Variants in C1orf174 observed in about 807,000 individuals in gnomAD.
The protein encoded by C1orf174 is chromosome 1 open reading frame 174.
A neutral mutation model predicts 18.4 loss-of-function variants in C1orf174; 13 were observed. The ratio of observed to expected loss-of-function variants is 0.71; its 90% CI spans 0.46 to 1.12. C1orf174 has a LOEUF of 1.12. Ranked by LOEUF, C1orf174 falls within the 50% of genes most tolerant of loss-of-function variation. The pLI is 0.00. For synonymous variants in C1orf174, 100 were observed against 118.3 expected (o/e 0.85, Z 1.01); for missense variants, 309 against 308.0 (o/e 1.00, Z -0.02).
intron 1 of C1orf174, 118 bp from the exon 2 acceptor site, chr1:3,893,114 T>C (rs1382892908): frequency 2.6e-5 from 29 of 1,117,456 alleles, no homozygotes; most frequent in Non-Finnish European, 3.3e-5. Context: ...CAGGATTTTA[T>C]CATCTTTGTG....
In C1orf174 at chr1:3,889,420, G is replaced by C. The variant is rs548376680; in HGVS notation, c.*540C>G. 10 of 156,038 alleles carry C rather than the reference G, an allele frequency of 6.4e-5. No homozygotes were observed. The highest frequency in any genetic ancestry group is 1.0e-4 in the Non-Finnish European group (7 of 70,122). 9.7% of individuals were successfully genotyped at this position (156,038 alleles called of 1,614,324 possible). A position where few individuals can be genotyped will look rare whatever the true frequency, so the allele number is the denominator to read the frequency against. ...GTGTATAAGAAAGGACACTGGCCGG[G>C]CATGGTGGCTCGCGCCTGTAATCCC... On this transcript the variant is annotated 3_prime_UTR_variant, in exon 4 of 4. Transcript: ENST00000361605.
chr1:3,890,860 G>A lies in C1orf174; in HGVS notation c.327C>T (p.Gly109=), dbSNP rs368113639. 2.5e-5 allele frequency: 41 copies of A among 1,613,338 alleles called. No homozygotes were observed. Among genetic ancestry groups the A allele is most frequent in the Admixed American group, 2.5e-4 (15 of 59,952 alleles). The change falls in exon 3 of 4, where the codon GGC becomes GGT. Residue 109 remains glycine (G), a synonymous_variant. Coordinates refer to ENST00000361605, the MANE Select transcript of C1orf174 (RefSeq NM_207356.3). The stretch of plus-strand genomic sequence containing the variant: ...TTGCAGCCCCCTGCTGCACAGAAAC[G>A]CCAGCCTCGCTGCCTGGAAGCAAGG... ...GSALLPGSEA[G]VSVQQGAASL... is the part of the protein sequence containing the mutation.
At chr1:3,892,710 C>T (rs1638533058) in intron 2 of C1orf174, 173 bp downstream of exon 2, 7 of 1,452,484 alleles carry the variant, frequency 4.8e-6, no homozygotes, top group Non-Finnish European at 6.4e-6. Flanking sequence ...CAGAGTGTGT[C>T]TTTCTCTGAA....
intron 1 of C1orf174, among the ~76,000 whole-genome samples, chr1:3,898,549 C>CAAA (rs1167805029): frequency 2.7e-5 from 4 of 150,568 alleles, no homozygotes; most frequent in Admixed American, 6.6e-5. Context: ...ACAACAACAA[C>CAAA]AACAAAACTC....
intron 1 of C1orf174, 32 bp from the exon 2 acceptor site, chr1:3,893,028 T>G (rs759617292): frequency 1.0e-5 from 16 of 1,605,826 alleles, no homozygotes; most frequent in Non-Finnish European, 1.4e-5. Flanking sequence ...CAGAGAGTGC[T>G]CTCAGGAAGG....
At position 3,892,772 on chromosome 1, in the gene C1orf174, A is replaced by G. The variant is rs1638534267; in HGVS notation, c.129+111T>C. On this transcript the variant is annotated intron_variant, in intron 2 of 3. Coordinates refer to ENST00000361605, the MANE Select transcript of C1orf174 (RefSeq NM_207356.3). ...ATCTGCAATAGTCCCCCTCTGGCAG[A>G]TAAGTAACAGTCGATATTTTTCTAA... The G allele has an allele frequency of 1.3e-5, 20 of 1,496,948 alleles. 1 individual carries two copies. In the South Asian group the frequency reaches 2.7e-4, roughly 20 times the overall value. The allele number at this position is 1,496,948 out of a possible 1,614,324, so 92.7% of individuals were successfully genotyped here.
intron 1 of C1orf174, among the ~76,000 whole-genome samples, chr1:3,899,658 A>G (rs1638671156): frequency 6.6e-6 from 1 of 152,240 alleles, no homozygotes; most frequent in Non-Finnish European, 1.5e-5. Context: ...AGCATCTAGC[A>G]CTACCAGGAG....
intron 2 of C1orf174, chr1:3,891,716 C>A: frequency 6.1e-6 from 6 of 986,084 alleles, no homozygotes; most frequent in Non-Finnish European, 7.2e-6. Flanking sequence ...CCCACTCTGC[C>A]TTTCTCTTCA....
chr1:3,900,150 G>T (rs1638684199), intron 1 of C1orf174, 22 bp downstream of exon 1: 1 of 1,575,544 alleles, frequency 6.3e-7, no homozygotes, highest in East Asian at 2.4e-5. Flanking sequence ...CGGCGCAGCT[G>T]CTGCCGGGAC....
chr1:3,896,223 G>T (rs748738435), intron 1 of C1orf174: 4 of 152,724 alleles, frequency 2.6e-5, no homozygotes, highest in Non-Finnish European at 5.9e-5. Flanking sequence ...GAGAAGAGGG[G>T]CCCTCCTTTC....
chr1:3,890,126 C>T (rs1036438511), intron 3 of C1orf174, 53 bp from the exon 4 acceptor site: 34 of 1,431,388 alleles, frequency 2.4e-5, no homozygotes, highest in Admixed American at 6.8e-5. Context: ...TATCTGCACC[C>T]GCATTTGCAA....
chr1:3,896,221 G>A (rs1638603340), intron 1 of C1orf174: 1 of 152,720 alleles, frequency 6.5e-6, no homozygotes, highest in African/African-American at 2.4e-5. Flanking sequence ...TTGAGAAGAG[G>A]GGCCCTCCTT....
Position 3,892,911 on chromosome 1 carries a change from C to A in C1orf174, c.101G>T (p.Gly34Val), listed in dbSNP as rs145489766. 6.2e-7 allele frequency: 1 copy of A among 1,614,196 alleles called. No homozygotes were observed. Among genetic ancestry groups the A allele is most frequent in the East Asian group, 2.2e-5 (1 of 44,886 alleles). The change falls in exon 2 of 4, where the codon GGT becomes GTT. Residue 34 changes from glycine (G) to valine (V), a missense_variant. Physicochemically the swap from Gly to Val is moderately radical, Grantham distance 109. Transcript: ENST00000361605. ...ACATGCTGTCTTGGCAGACGTGGAA[C>A]CAGCAACTTCCTGGGCAGAGGCCAA... is the stretch of plus-strand genomic sequence containing the variant. Reference protein sequence around the residue: ...ARLASAQEVAGSTSAKTACLT... With the variant: ...ARLASAQEVAVSTSAKTACLT...
intron 1 of C1orf174, among the ~76,000 whole-genome samples, chr1:3,893,624 A>C (rs376557462): frequency 1.3e-5 from 2 of 152,380 alleles, no homozygotes; most frequent in African/African-American, 4.8e-5. Flanking sequence ...AACTGGTGTG[A>C]TAGCTCACAC....
rs59405380 is a variant in C1orf174 at position 3,889,700 on chromosome 1, G to GAAAAAAAAA, written c.*251_*259dup. The GAAAAAAAAA allele has an allele frequency of 1.4e-5, 2 of 146,346 alleles. No homozygotes were observed. Among genetic ancestry groups the GAAAAAAAAA allele is most frequent in the East Asian group, 1.5e-4 (1 of 6,772 alleles). 9.1% of individuals were successfully genotyped at this position (146,346 alleles called of 1,614,324 possible). A position where few individuals can be genotyped will look rare whatever the true frequency, so the allele number is the denominator to read the frequency against. Reference sequence around the variant, plus strand: ...ACAAGAGAGAAACTCTGTCTCCAAGGAAAAAAAAAAAAAAAAAAAAAGAAA... The same window carrying GAAAAAAAAA: ...ACAAGAGAGAAACTCTGTCTCCAAGGAAAAAAAAAAAAAAAAAAAAAAAAAAAAAAGAAA... On this transcript the variant is annotated 3_prime_UTR_variant, in exon 4 of 4. Coordinates refer to ENST00000361605, the MANE Select transcript of C1orf174 (RefSeq NM_207356.3).
At chr1:3,894,146 A>G (rs757386761) in intron 1 of C1orf174, among the ~76,000 whole-genome samples, 19 of 152,248 alleles carry the variant, frequency 1.2e-4, no homozygotes, top group Non-Finnish European at 2.1e-4. Context: ...TGAGTAGTAG[A>G]AGCAACAAAC....
intron 1 of C1orf174, among the ~76,000 whole-genome samples, chr1:3,899,841 G>A (rs1336821308): frequency 6.6e-6 from 1 of 150,806 alleles, no homozygotes; most frequent in Non-Finnish European, 1.5e-5. Context: ...TGGCCTGGGA[G>A]CTCCCCTTCT....
intron 2 of C1orf174, chr1:3,891,730 C>T (rs1638520196): frequency 1.0e-6 from 1 of 985,936 alleles, no homozygotes; most frequent in Admixed American, 6.1e-5. Context: ...CTCTTCAAGC[C>T]TCTGGCGGTG....
chr1:3,894,623 A>AG (rs397934274), intron 1 of C1orf174, among the ~76,000 whole-genome samples: 2 of 151,236 alleles, frequency 1.3e-5, no homozygotes, highest in East Asian at 3.9e-4. Flanking sequence ...AAAAAAAAAA[A>AG]GAAATAATCT....
Sources: gnomAD v4.1 joint callset for allele counts (sites outside exome capture counted in the v4.1 genomes callset) on GRCh38, gnomAD v4.1.1 for gene constraint, MANE v1.5 for transcripts, NCBI Gene and HGNC (gene_info 2026-07-23, HGNC 2026-07-21) for gene names.